DTWD2: variants seen among roughly 807,000 people sequenced by gnomAD.
The protein encoded by DTWD2 is tRNA-uridine aminocarboxypropyltransferase 2.
A neutral mutation model predicts 31.8 loss-of-function variants in DTWD2; 39 were observed. The ratio of observed to expected loss-of-function variants is 1.22; its 90% CI spans 0.95 to 1.60. The LOEUF (loss-of-function observed/expected upper bound fraction) is 1.60, where lower values mean the gene tolerates loss of function less well. Ranked by LOEUF, DTWD2 falls within the 40% of genes most tolerant of loss-of-function variation. DTWD2 has a pLI of 0.00. For synonymous variants in DTWD2, 180 were observed against 142.8 expected (o/e 1.26, Z -1.86); for missense variants, 515 against 381.5 (o/e 1.35, Z -2.92).
chr5:118,974,119 T>C, intron 1 of DTWD2: 1 of 1,583,562 alleles, frequency 6.3e-7, no homozygotes, highest in Non-Finnish European at 8.6e-7. Context: ...CCGACGAGGA[T>C]GACTAGACAG....
At chr5:118,919,823 A>G (rs1285765415) in intron 4 of DTWD2, among the ~76,000 whole-genome samples, 1 of 152,036 alleles carries the variant, frequency 6.6e-6, no homozygotes, top group Non-Finnish European at 1.5e-5. Context: ...TTGAAATTTT[A>G]TTCTCATATA....
chr5:118,962,116 T>C (rs573899150), intron 1 of DTWD2, among the ~76,000 whole-genome samples: 1 of 152,178 alleles, frequency 6.6e-6, no homozygotes, highest in Non-Finnish European at 1.5e-5. Context: ...TGCATGCCTG[T>C]AATCCCAGCT....
intron 1 of DTWD2, among the ~76,000 whole-genome samples, chr5:118,947,939 C>T (rs906598890): frequency 2.6e-5 from 4 of 151,844 alleles, no homozygotes; most frequent in Non-Finnish European, 4.4e-5. Flanking sequence ...TCTAAAAATC[C>T]CCAAAATGAA....
Position 118,840,871 on chromosome 5 carries a change from A to T in DTWD2, c.*46T>A, listed in dbSNP as rs553887027. On this transcript the variant is annotated 3_prime_UTR_variant, in exon 6 of 6. Transcript: ENST00000510708. ...TAACTATATGAAAACTTAATTTGGTATTGTTAGATGAAGACAGTTAAGCTA... is the reference window on the plus strand; with the variant it reads ...TAACTATATGAAAACTTAATTTGGTTTTGTTAGATGAAGACAGTTAAGCTA... 54 of 1,574,814 alleles carry T rather than the reference A, an allele frequency of 3.4e-5. No individual in the cohort carries two copies. In the African/African-American group the frequency reaches 6.8e-4, roughly 20 times the overall value.
chr5:118,962,733 T>C (rs1021650447), intron 1 of DTWD2, among the ~76,000 whole-genome samples: 17 of 152,246 alleles, frequency 1.1e-4, no homozygotes, highest in African/African-American at 4.1e-4. Flanking sequence ...TTAGGCACTA[T>C]GCTAAATACT....
chr5:118,872,037 A>G lies in DTWD2; in HGVS notation c.598-23819T>C, dbSNP rs892490080. 4.6e-5 allele frequency among the ~76,000 whole-genome samples: 7 copies of G among 152,180 alleles called. No homozygotes were observed. The South Asian group carries it at 1.2e-3, about 27-fold the overall frequency. On this transcript the variant is annotated intron_variant, in intron 4 of 5. Transcript: ENST00000510708. ...GATTCACCTTGCACTTTTTTGTTAA[A>G]GAGATAGCTTCTCAAACCTCATGAA... is the stretch of plus-strand genomic sequence containing the variant.
At chr5:118,865,054 T>C (rs968998669) in intron 4 of DTWD2, among the ~76,000 whole-genome samples, 8 of 152,120 alleles carry the variant, frequency 5.3e-5, no homozygotes, top group African/African-American at 1.9e-4. Context: ...GAGCATATAA[T>C]GTACATGGCT....
At chr5:118,851,295 A>G (rs1235423426) in intron 4 of DTWD2, among the ~76,000 whole-genome samples, 2 of 151,650 alleles carry the variant, frequency 1.3e-5, no homozygotes, top group East Asian at 3.9e-4. Flanking sequence ...GGTTCTTTCT[A>G]TTTTCCTTAA....
At chr5:118,902,603 T>A (rs1753237188) in intron 4 of DTWD2, among the ~76,000 whole-genome samples, 1 of 152,112 alleles carries the variant, frequency 6.6e-6, no homozygotes, top group Admixed American at 6.5e-5. Context: ...AAGTTTCTGA[T>A]CAATGTAAAC....
At chr5:118,974,037 C>A (rs1397457864) in intron 1 of DTWD2, 1 of 1,605,708 alleles carries the variant, frequency 6.2e-7, no homozygotes, top group African/African-American at 1.3e-5. Context: ...GATGAGGAAG[C>A]TGAGACAGCT....
In DTWD2 at chr5:118,864,096, C is replaced by T. The variant is rs183713357; in HGVS notation, c.598-15878G>A. On this transcript the variant is annotated intron_variant, in intron 4 of 5. Transcript: ENST00000510708. ...AAACCCACATGTATGTTTATTGCGGCACTATTCACAATAGCAAAGACTTGG... is the reference window on the plus strand; with the variant it reads ...AAACCCACATGTATGTTTATTGCGGTACTATTCACAATAGCAAAGACTTGG... Among the ~76,000 whole-genome samples the T allele has an allele frequency of 2.9e-3, 202 of 68,946 alleles. 31 individuals are homozygous for T. Among genetic ancestry groups the T allele is most frequent in the Admixed American group, 4.4e-3 (33 of 7,502 alleles). 45.2% of individuals were successfully genotyped at this position (68,946 alleles called of 152,430 possible).
chr5:118,905,160 CACT>C (rs550263924), intron 4 of DTWD2, among the ~76,000 whole-genome samples: 125 of 152,200 alleles, frequency 8.2e-4, no homozygotes, highest in African/African-American at 2.7e-3. Flanking sequence ...AAAAATAAAA[CACT>C]ACATTACCCA....
chr5:118,978,327 T>C (rs1342738780), intron 1 of DTWD2, among the ~76,000 whole-genome samples: 1 of 152,154 alleles, frequency 6.6e-6, no homozygotes, highest in African/African-American at 2.4e-5. Context: ...CAAGATCTCA[T>C]GACAAAAACA....
intron 1 of DTWD2, among the ~76,000 whole-genome samples, chr5:118,958,607 T>C (rs543544160): frequency 6.8e-6 from 1 of 147,592 alleles, no homozygotes; most frequent in Non-Finnish European, 1.5e-5. Context: ...AAAAGACTAT[T>C]ATGAACACCT....
At chr5:118,882,829 G>A (rs1752772641) in intron 4 of DTWD2, among the ~76,000 whole-genome samples, 1 of 152,204 alleles carries the variant, frequency 6.6e-6, no homozygotes, top group South Asian at 2.1e-4. Flanking sequence ...ACCATTCATA[G>A]GAAAGTCTGC....
intron 5 of DTWD2, among the ~76,000 whole-genome samples, chr5:118,842,567 T>A (rs956516092): frequency 6.6e-6 from 1 of 152,150 alleles, no homozygotes; most frequent in African/African-American, 2.4e-5. Flanking sequence ...TCAGCATTTC[T>A]GATTTACAGG....
At chr5:118,902,637 T>C (rs942926597) in intron 4 of DTWD2, among the ~76,000 whole-genome samples, 2 of 152,136 alleles carry the variant, frequency 1.3e-5, no homozygotes, top group African/African-American at 4.8e-5. Context: ...AACTTTTTTT[T>C]CAATTACAAC....
chr5:118,882,069 C>A (rs1752753855), intron 4 of DTWD2, among the ~76,000 whole-genome samples: 1 of 152,156 alleles, frequency 6.6e-6, no homozygotes, highest in Non-Finnish European at 1.5e-5. Context: ...TGAGCCAGTA[C>A]AATCAAAAAC....
chr5:118,918,412 C>T lies in DTWD2; in HGVS notation c.597+10125G>A, dbSNP rs562294789. Among the ~76,000 whole-genome samples the T allele has an allele frequency of 9.8e-4, 147 of 150,704 alleles. 1 individual carries two copies. The highest frequency in any genetic ancestry group is 3.5e-3 in the African/African-American group (145 of 41,002). On this transcript the variant is annotated intron_variant, in intron 4 of 5. Transcript: ENST00000510708. ...CACGATCTCGGCTCATTGCAAGCTCCGCCTCCTGGTGAACACTAGAGTGAG... is the reference window on the plus strand; with the variant it reads ...CACGATCTCGGCTCATTGCAAGCTCTGCCTCCTGGTGAACACTAGAGTGAG...
Sources: allele counts gnomAD v4.1 joint callset (sites outside exome capture counted in the v4.1 genomes callset), GRCh38; gene constraint gnomAD v4.1.1; transcripts MANE v1.5; gene names NCBI Gene and HGNC (gene_info 2026-07-23, HGNC 2026-07-21).